The following DGKB variants were observed in gnomAD, a reference collection of about 807,000 sequenced individuals.
DGKB encodes diacylglycerol kinase beta.
DGKB carries 67 observed loss-of-function variants against 114.3 expected under a neutral mutation model. That is an observed-to-expected ratio of 0.59 (90% CI 0.48 to 0.72). DGKB has a LOEUF of 0.72. Among genes scored for constraint, DGKB ranks in the 30% least tolerant of loss-of-function variants. The pLI, the probability that DGKB is intolerant of heterozygous loss-of-function variation, is 0.00. For missense variants in DGKB, 907 were observed against 975.2 expected (o/e 0.93, Z 0.93); for synonymous variants, 398 against 323.1 (o/e 1.23, Z -2.49).
chr7:14,349,344 G>A (rs146210648), intron 21 of DGKB, among the ~76,000 whole-genome samples: 4 of 152,172 alleles, frequency 2.6e-5, no homozygotes, highest in Non-Finnish European at 4.4e-5. Flanking sequence ...CAGGTTCTGT[G>A]ATCTAATGTA....
rs73680196 is a variant in DGKB at position 14,711,037 on chromosome 7, T to C, written c.466+7505A>G. ...ATTTGCCCTAAAAATCCAAGTTGCT[T>C]TGATACTTCCCTGAAAATTTTGAAC... On this transcript the variant is annotated intron_variant, in intron 6 of 25. Transcript: ENST00000402815. Among the ~76,000 whole-genome samples, 1,446 of 152,202 alleles carry C rather than the reference T, an allele frequency of 9.5e-3. 22 individuals are homozygous for C. The highest frequency in any genetic ancestry group is 0.034 in the African/African-American group (1,393 of 41,544).
At chr7:14,597,312 ATAATG>A (rs1802754174) in intron 17 of DGKB, among the ~76,000 whole-genome samples, 1 of 152,222 alleles carries the variant, frequency 6.6e-6, no homozygotes, top group Non-Finnish European at 1.5e-5. Context: ...GTAAAAGTAA[ATAATG>A]TAATTGGAGA....
intron 13 of DGKB, among the ~76,000 whole-genome samples, chr7:14,636,421 A>G (rs1429674576): frequency 6.6e-6 from 1 of 151,846 alleles, no homozygotes. Flanking sequence ...AAAAGAGGGT[A>G]GCGATAAAGA....
At chr7:14,539,756 T>C (rs1170443401) in intron 20 of DGKB, among the ~76,000 whole-genome samples, 2 of 152,204 alleles carry the variant, frequency 1.3e-5, no homozygotes, top group South Asian at 2.1e-4. Flanking sequence ...ACCTTCACAT[T>C]GTTGATTTGC....
At chr7:14,882,753 C>T (rs1854432244) in intron 1 of DGKB, among the ~76,000 whole-genome samples, 1 of 151,954 alleles carries the variant, frequency 6.6e-6, no homozygotes, top group African/African-American at 2.4e-5. Context: ...ATCTATGTTG[C>T]TGCAGAATAC....
chr7:14,263,064 AT>A (rs2128416329), intron 23 of DGKB, among the ~76,000 whole-genome samples: 1 of 152,192 alleles, frequency 6.6e-6, no homozygotes, highest in East Asian at 1.9e-4. Context: ...ATGTAAAGGG[AT>A]TCATTAAGAA....
At chr7:14,203,161 C>CAAAAAAAAAAAAAAAAAAAAAAA (rs374610278) in intron 23 of DGKB, among the ~76,000 whole-genome samples, 2 of 96,150 alleles carry the variant, frequency 2.1e-5, no homozygotes, top group Non-Finnish European at 4.1e-5. Flanking sequence ...GAGCAGTAGC[C>CAAAAAAAAAAAAAAAAAAAAAAA]AAAAAAAAAA....
At chr7:14,584,379 T>C (rs1356203096) in intron 17 of DGKB, among the ~76,000 whole-genome samples, 1 of 152,176 alleles carries the variant, frequency 6.6e-6, no homozygotes, top group Non-Finnish European at 1.5e-5. Flanking sequence ...GAGAAAAATA[T>C]TCCATTACAT....
intron 20 of DGKB, among the ~76,000 whole-genome samples, chr7:14,540,997 T>C (rs989464551): frequency 1.8e-4 from 27 of 152,308 alleles, no homozygotes; most frequent in African/African-American, 6.0e-4. Context: ...AACTATTTCA[T>C]TGTGGCTGCA....
chr7:14,681,389 C>T (rs948998659), intron 12 of DGKB, among the ~76,000 whole-genome samples: 5 of 151,720 alleles, frequency 3.3e-5, no homozygotes, highest in Non-Finnish European at 5.9e-5. Context: ...AAAAGTAAGT[C>T]AGTTGTTTTT....
intron 1 of DGKB, among the ~76,000 whole-genome samples, chr7:14,894,685 C>G (rs772660198): frequency 3.3e-5 from 5 of 151,386 alleles, no homozygotes; most frequent in Non-Finnish European, 7.4e-5. Context: ...ACCAAATGTA[C>G]CACCATGCAG....
At chr7:14,843,683 A>AT (rs1848264873) in intron 1 of DGKB, among the ~76,000 whole-genome samples, 1 of 152,218 alleles carries the variant, frequency 6.6e-6, no homozygotes, top group Non-Finnish European at 1.5e-5. Flanking sequence ...TAAGTTTTTA[A>AT]TTGCCAACAA....
intron 1 of DGKB, among the ~76,000 whole-genome samples, chr7:14,943,376 A>T (rs36885): frequency 0.55 from 83,650 of 151,758 alleles, 25,154 homozygotes; most frequent in East Asian, 0.88. Flanking sequence ...ACATAATAAA[A>T]CAAACGAAGT....
chr7:14,856,655 T>TG (rs1562733670), intron 1 of DGKB, among the ~76,000 whole-genome samples: 1 of 151,718 alleles, frequency 6.6e-6, no homozygotes, highest in African/African-American at 2.4e-5. Context: ...AAAGTATTCA[T>TG]TGTGTGTGTG....
At chr7:14,796,461 T>G (rs1841418566) in intron 2 of DGKB, among the ~76,000 whole-genome samples, 1 of 152,156 alleles carries the variant, frequency 6.6e-6, no homozygotes, top group South Asian at 2.1e-4. Flanking sequence ...ATGGAAATTT[T>G]AAACAAGTGG....
rs115666158 is a variant in DGKB at position 14,176,933 on chromosome 7, G to A, written c.2244-34C>T. 1,695 of 1,610,712 alleles carry A rather than the reference G, an allele frequency of 1.1e-3. 30 individuals are homozygous for A. In the African/African-American group the frequency reaches 0.02, roughly 19 times the overall value. On this transcript the variant is annotated intron_variant, in intron 24 of 25. Coordinates refer to ENST00000402815, the MANE Select transcript of DGKB (RefSeq NM_001350709.2). ...AAATATTTCATTGTAAGTATTGCAA[G>A]GAAATACTTTATATTACAGACTATA... is the stretch of plus-strand genomic sequence containing the variant.
chr7:14,212,632 C>G (rs1372289136), intron 23 of DGKB, among the ~76,000 whole-genome samples: 1 of 152,112 alleles, frequency 6.6e-6, no homozygotes, highest in Non-Finnish European at 1.5e-5. Flanking sequence ...AGATGAGCTA[C>G]ACATTTTAAT....
At chr7:14,215,424 C>T (rs1212432098) in intron 23 of DGKB, among the ~76,000 whole-genome samples, 2 of 152,032 alleles carry the variant, frequency 1.3e-5, no homozygotes, top group African/African-American at 2.4e-5. Context: ...TCTTCCTCTC[C>T]CATCTCTTGC....
intron 20 of DGKB, among the ~76,000 whole-genome samples, chr7:14,571,811 C>A (rs1271695464): frequency 6.6e-6 from 1 of 152,072 alleles, no homozygotes; most frequent in Non-Finnish European, 1.5e-5. Flanking sequence ...AGTGTTTGAG[C>A]GCAATCTCTA....
Sources: allele counts gnomAD v4.1 joint callset (sites outside exome capture counted in the v4.1 genomes callset), GRCh38; gene constraint gnomAD v4.1.1; transcripts MANE v1.5; gene names NCBI Gene and HGNC (gene_info 2026-07-23, HGNC 2026-07-21).